PPFIA2: variants seen among roughly 807,000 people sequenced by gnomAD.
PPFIA2 encodes the protein PPFI scaffold protein A2.
Under a neutral mutation model 175.5 loss-of-function variants are expected in PPFIA2, and 46 were observed. That is an observed-to-expected ratio of 0.26 (90% confidence interval 0.21 to 0.34). The LOEUF is 0.34. Ranked by LOEUF, PPFIA2 falls within the 10% of genes least tolerant of loss-of-function variation. The probability of loss-of-function intolerance (pLI) is 1.00; values close to 1 mark genes in which losing one functional copy is unlikely to be tolerated. For missense variants in PPFIA2, 1,179 were observed against 1,506.1 expected, an observed-to-expected ratio of 0.78 and a Z score of 3.60; for synonymous variants, 568 against 511.4, an observed-to-expected ratio of 1.11 and a Z score of -1.49.
chr12:81,593,732 C>A (rs1028165991), intron 4 of PPFIA2, among the ~76,000 whole-genome samples: 3 of 152,112 alleles, frequency 2.0e-5, no homozygotes, highest in African/African-American at 7.2e-5. Context: ...TTCCAGTGGG[C>A]ACTTTGAGTG....
At position 81,724,881 on chromosome 12, in the gene PPFIA2, T is replaced by G. The variant is rs1475789229; in HGVS notation, c.249+29092A>C. On this transcript the variant is annotated intron_variant, in intron 3 of 32. Transcript: ENST00000549396. ...TGCTGGATCCAATAGTAGTTCTATTTTTAGTTCTTTGAGCAATCTCCATAC... is the reference window on the plus strand; with the variant it reads ...TGCTGGATCCAATAGTAGTTCTATTGTTAGTTCTTTGAGCAATCTCCATAC... 2.6e-5 allele frequency among the ~76,000 whole-genome samples: 4 copies of G among 151,098 alleles called. No individual in the cohort carries two copies. In the East Asian group the frequency reaches 7.8e-4, roughly 29 times the overall value.
intron 7 of PPFIA2, among the ~76,000 whole-genome samples, chr12:81,414,851 C>T (rs1354584947): frequency 6.6e-6 from 1 of 151,272 alleles, no homozygotes; most frequent in East Asian, 1.9e-4. Flanking sequence ...ATTTGTATCG[C>T]TATTTATTAA....
chr12:81,291,285 T>G (rs1167158534), intron 24 of PPFIA2, among the ~76,000 whole-genome samples: 3 of 151,934 alleles, frequency 2.0e-5, no homozygotes, highest in Admixed American at 6.6e-5. Flanking sequence ...AACAATATAT[T>G]TTTTATGTTT....
chr12:81,457,280 G>A (rs766128294), intron 5 of PPFIA2, among the ~76,000 whole-genome samples: 7 of 151,148 alleles, frequency 4.6e-5, no homozygotes, highest in African/African-American at 7.3e-5. Context: ...CATCGCGTCC[G>A]GCCTTTTTTT....
At chr12:81,507,408 C>T (rs2061294048) in intron 4 of PPFIA2, among the ~76,000 whole-genome samples, 2 of 137,036 alleles carry the variant, frequency 1.5e-5, no homozygotes, top group Admixed American at 1.5e-4. Context: ...AACTAAAATC[C>T]AGAACATAAT....
chr12:81,726,667 T>C (rs1020943520), intron 3 of PPFIA2, among the ~76,000 whole-genome samples: 1 of 145,462 alleles, frequency 6.9e-6, no homozygotes. Context: ...AAACTACCAC[T>C]AAGTACCAAA....
intron 4 of PPFIA2, among the ~76,000 whole-genome samples, chr12:81,632,324 C>G (rs1020280070): frequency 7.9e-5 from 12 of 151,974 alleles, no homozygotes; most frequent in African/African-American, 2.9e-4. Context: ...GTTACTCCAT[C>G]AGATGAAATT....
At chr12:81,403,423 G>A (rs1488734655) in intron 8 of PPFIA2, among the ~76,000 whole-genome samples, 1 of 152,148 alleles carries the variant, frequency 6.6e-6, no homozygotes, top group Non-Finnish European at 1.5e-5. Flanking sequence ...ATTCTCTAAT[G>A]TCTGCATATT....
intron 4 of PPFIA2, among the ~76,000 whole-genome samples, chr12:81,560,075 G>A (rs1015253763): frequency 3.3e-5 from 5 of 152,180 alleles, no homozygotes; most frequent in Admixed American, 2.0e-4. Context: ...TTGAATTGAC[G>A]TATACCTGTG....
At chr12:81,547,609 A>C (rs188910896) in intron 4 of PPFIA2, among the ~76,000 whole-genome samples, 1 of 152,260 alleles carries the variant, frequency 6.6e-6, no homozygotes, top group East Asian at 1.9e-4. Flanking sequence ...TTACTGACTA[A>C]GTTTTAAATG....
chr12:81,465,107 C>T (rs1317580992), intron 4 of PPFIA2: 1 of 152,126 alleles, frequency 6.6e-6, no homozygotes, highest in Middle Eastern at 3.2e-3. Context: ...ACCAGACAGT[C>T]TCCAGAGAAA....
intron 4 of PPFIA2, among the ~76,000 whole-genome samples, chr12:81,493,859 C>T (rs1245924166): frequency 6.8e-6 from 1 of 147,752 alleles, no homozygotes; most frequent in Non-Finnish European, 1.5e-5. Flanking sequence ...ATATGATGTT[C>T]AGAGATGCTG....
At chr12:81,307,183 C>T (rs1233788754) in intron 22 of PPFIA2, among the ~76,000 whole-genome samples, 2 of 152,146 alleles carry the variant, frequency 1.3e-5, no homozygotes, top group Non-Finnish European at 2.9e-5. Context: ...CCTTTAAAAT[C>T]TGGAAGCCTG....
At chr12:81,636,999 C>G (rs1231569594) in intron 4 of PPFIA2, among the ~76,000 whole-genome samples, 1 of 151,982 alleles carries the variant, frequency 6.6e-6, no homozygotes, top group East Asian at 1.9e-4. Context: ...GGAATTTTCT[C>G]CCTCTAACCA....
rs1183209119 is a variant in PPFIA2 at position 81,294,642 on chromosome 12, C to CTGATATGAATCATAG, written c.2925+178_2925+192dup. The CTGATATGAATCATAG allele has an allele frequency of 1.5e-5, 9 of 610,668 alleles. No homozygotes were observed. The African/African-American group carries it at 1.7e-4, about 11-fold the overall frequency. 37.8% of individuals were successfully genotyped at this position (610,668 alleles called of 1,614,324 possible). A position where few individuals can be genotyped will look rare whatever the true frequency, so the allele number is the denominator to read the frequency against. Reference sequence around the variant, plus strand: ...AAGTCTGCTATGCTAGCTTTCACGTCTGATATGAATCATAGTTCCTCATTT... The same window carrying CTGATATGAATCATAG: ...AAGTCTGCTATGCTAGCTTTCACGTCTGATATGAATCATAGTGATATGAATCATAGTTCCTCATTT... On this transcript the variant is annotated intron_variant, in intron 24 of 32. Coordinates refer to ENST00000549396, the MANE Select transcript of PPFIA2 (RefSeq NM_003625.5).
intron 4 of PPFIA2, among the ~76,000 whole-genome samples, chr12:81,507,543 C>A (rs928818615): frequency 6.6e-6 from 1 of 152,126 alleles, no homozygotes; most frequent in Non-Finnish European, 1.5e-5. Flanking sequence ...CTTGAACTCT[C>A]AATTAGCTCC....
At chr12:81,525,016 G>C (rs1594474337) in intron 4 of PPFIA2, among the ~76,000 whole-genome samples, 1 of 152,168 alleles carries the variant, frequency 6.6e-6, no homozygotes, top group East Asian at 1.9e-4. Flanking sequence ...CACTGAATTT[G>C]AGGGTGCCTT....
At chr12:81,525,607 C>G (rs993281246) in intron 4 of PPFIA2, among the ~76,000 whole-genome samples, 3 of 151,966 alleles carry the variant, frequency 2.0e-5, no homozygotes, top group African/African-American at 7.3e-5. Context: ...AAACTTTGAG[C>G]AGAAGACTCA....
chr12:81,352,696 A>G (rs1412976504), intron 17 of PPFIA2, among the ~76,000 whole-genome samples: 1 of 152,176 alleles, frequency 6.6e-6, no homozygotes, highest in Non-Finnish European at 1.5e-5. Flanking sequence ...CTGAATGCAC[A>G]TTAATTTGCA....
Sources: gnomAD v4.1 joint callset for allele counts (sites outside exome capture counted in the v4.1 genomes callset) on GRCh38, gnomAD v4.1.1 for gene constraint, MANE v1.5 for transcripts, NCBI Gene and HGNC (gene_info 2026-07-23, HGNC 2026-07-21) for gene names.